The following GLIS1 variants were observed in gnomAD, a reference collection of about 807,000 sequenced individuals.
The protein encoded by GLIS1 is zinc finger protein GLIS1.
A neutral mutation model predicts 63.8 loss-of-function variants in GLIS1; 24 were observed. The ratio of observed to expected loss-of-function variants is 0.38; its 90% CI spans 0.27 to 0.53. The LOEUF (loss-of-function observed/expected upper bound fraction) is 0.53. Among genes scored for constraint, GLIS1 ranks in the 20% least tolerant of loss-of-function variants. The pLI is 0.85. For missense variants in GLIS1, 1,036 were observed against 1,074.1 expected, an observed-to-expected ratio of 0.96 and a Z score of 0.50; for synonymous variants, 450 against 482.5, an observed-to-expected ratio of 0.93 and a Z score of 0.88.
intron 2 of GLIS1, among the ~76,000 whole-genome samples, chr1:53,723,257 C>G (rs1377824693): frequency 7.2e-6 from 1 of 139,220 alleles, no homozygotes; most frequent in Admixed American, 7.3e-5. Context: ...TTTTTTTGAG[C>G]TGGAGTCTCA....
At chr1:53,532,083 T>G (rs1383576827) in intron 4 of GLIS1, among the ~76,000 whole-genome samples, 1 of 152,094 alleles carries the variant, frequency 6.6e-6, no homozygotes, top group Non-Finnish European at 1.5e-5. Context: ...AAAGGCCAGA[T>G]AGCGGGGACT....
intron 2 of GLIS1, among the ~76,000 whole-genome samples, chr1:53,603,740 C>T (rs1169936425): frequency 6.6e-6 from 1 of 152,256 alleles, no homozygotes; most frequent in Non-Finnish European, 1.5e-5. Context: ...CTCTGTGCCA[C>T]AGGGGGCCAA....
chr1:53,550,863 T>A (rs916160829), intron 4 of GLIS1, among the ~76,000 whole-genome samples: 1 of 152,068 alleles, frequency 6.6e-6, no homozygotes, highest in African/African-American at 2.4e-5. Context: ...ATTTATTTAT[T>A]TTTTTTGAGA....
intron 2 of GLIS1, among the ~76,000 whole-genome samples, chr1:53,668,165 G>A (rs770185875): frequency 6.6e-6 from 1 of 152,174 alleles, no homozygotes; most frequent in Non-Finnish European, 1.5e-5. Flanking sequence ...TATTTTAACA[G>A]CAGTAGACAC....
Position 53,506,550 on chromosome 1 carries a change from T to C in GLIS1, c.*69A>G. On this transcript the variant is annotated 3_prime_UTR_variant, in exon 11 of 11. Transcript: ENST00000628545. ...GCACTCCTGCTAGGTGCACGGAGGG[T>C]GGGAGCGACAGCAGGTGGGCGAGGT... 6.6e-7 allele frequency: 1 copy of C among 1,508,470 alleles called. No homozygotes were observed. The allele number at this position is 1,508,470 out of a possible 1,614,324, so 93.4% of individuals were successfully genotyped here.
intron 2 of GLIS1, among the ~76,000 whole-genome samples, chr1:53,661,098 C>T (rs1159677365): frequency 6.6e-6 from 1 of 152,214 alleles, no homozygotes; most frequent in Admixed American, 6.5e-5. Context: ...CTCAGCACTG[C>T]CTGGCTCATA....
intron 2 of GLIS1, among the ~76,000 whole-genome samples, chr1:53,605,484 G>A (rs779490061): frequency 6.6e-6 from 1 of 152,164 alleles, no homozygotes; most frequent in Non-Finnish European, 1.5e-5. Context: ...GCGAATAGCT[G>A]CCACTTAGGT....
At chr1:53,680,761 C>G (rs1646266616) in intron 2 of GLIS1, among the ~76,000 whole-genome samples, 1 of 152,216 alleles carries the variant, frequency 6.6e-6, no homozygotes, top group Non-Finnish European at 1.5e-5. Context: ...CCATTCAGGT[C>G]ATCTGAGTTT....
At chr1:53,591,943 G>A (rs1306963237) in intron 4 of GLIS1, among the ~76,000 whole-genome samples, 1 of 152,172 alleles carries the variant, frequency 6.6e-6, no homozygotes, top group Non-Finnish European at 1.5e-5. Context: ...CCTCCTCCAT[G>A]AAGCCCTTCT....
chr1:53,533,852 T>C (rs1644555729), intron 4 of GLIS1, among the ~76,000 whole-genome samples: 1 of 152,158 alleles, frequency 6.6e-6, no homozygotes, highest in Non-Finnish European at 1.5e-5. Flanking sequence ...GTTCAGCACC[T>C]ATTGTGTGCT....
intron 2 of GLIS1, among the ~76,000 whole-genome samples, chr1:53,611,770 T>C (rs1645426619): frequency 6.6e-6 from 1 of 152,206 alleles, no homozygotes; most frequent in Admixed American, 6.5e-5. Flanking sequence ...GAACTTCACA[T>C]TTGTCTTCCT....
At chr1:53,658,478 A>G (rs1255314993) in intron 2 of GLIS1, among the ~76,000 whole-genome samples, 2 of 152,250 alleles carry the variant, frequency 1.3e-5, no homozygotes, top group African/African-American at 4.8e-5. Context: ...AGGAAAGGAA[A>G]ACATGAAAAG....
At chr1:53,716,444 C>G (rs1291366421) in intron 2 of GLIS1, among the ~76,000 whole-genome samples, 1 of 152,040 alleles carries the variant, frequency 6.6e-6, no homozygotes. Context: ...TCATCATCGG[C>G]ATGTCAGGAA....
In GLIS1 at chr1:53,721,564, G is replaced by A. The variant is rs374359739; in HGVS notation, c.259+16242C>T. 2.6e-5 allele frequency among the ~76,000 whole-genome samples: 4 copies of A among 152,292 alleles called. No homozygotes were observed. The East Asian group carries it at 7.7e-4, about 29-fold the overall frequency. ...CAGGTCCACACACCTGGTGCCCCCT[G>A]AAGGTGGGCACCACAGCAGCCCTGG... is the stretch of plus-strand genomic sequence containing the variant. On this transcript the variant is annotated intron_variant, in intron 2 of 10. Coordinates refer to ENST00000628545, the MANE Select transcript of GLIS1 (RefSeq NM_001367484.1).
rs377617956 is a variant in GLIS1, at chr1:53,594,890, G to A, written c.538C>T (p.Arg180Cys). 34 of 1,541,882 alleles carry A rather than the reference G, an allele frequency of 2.2e-5. No individual in the cohort carries two copies. The highest frequency in any genetic ancestry group is 2.2e-4 in the Middle Eastern group (1 of 4,472). Residue 180 changes from arginine to cysteine, a missense_variant, in exon 4 of 11, where the codon CGC (arginine) becomes TGC (cysteine). Around this residue, in one of 3 missense-constraint regions of GLIS1, gnomAD observed 592 missense variants for 593.9 expected, o/e 1.00. Coordinates refer to ENST00000628545, the MANE Select transcript of GLIS1 (RefSeq NM_001367484.1). ...CGACAGTGGGCAGACAGGGATGTGC[G>A]GGCCTCTGCCATGGCTTGGTAGTCG... ...LPDYQAMAEA[R>C]TSLSAHCRGP...
intron 4 of GLIS1, among the ~76,000 whole-genome samples, chr1:53,547,273 A>G (rs1644711309): frequency 1.3e-5 from 2 of 152,226 alleles, no homozygotes; most frequent in Non-Finnish European, 2.9e-5. Context: ...AGAGACAGAG[A>G]GCCAGGGCTC....
At chr1:53,559,702 C>T (rs1189793314) in intron 4 of GLIS1, among the ~76,000 whole-genome samples, 1 of 152,184 alleles carries the variant, frequency 6.6e-6, no homozygotes, top group Non-Finnish European at 1.5e-5. Flanking sequence ...GCCCTGCACC[C>T]CCTGGCCTCA....
intron 2 of GLIS1, among the ~76,000 whole-genome samples, chr1:53,614,302 C>T (rs1340020992): frequency 6.6e-6 from 1 of 152,068 alleles, no homozygotes; most frequent in East Asian, 1.9e-4. Flanking sequence ...TAAAGAGAGA[C>T]AGGACAGTCA....
intron 9 of GLIS1, 146 bp from the exon 10 acceptor site, chr1:53,509,433 G>A: frequency 4.5e-6 from 4 of 894,950 alleles, no homozygotes; most frequent in Non-Finnish European, 6.6e-6. Context: ...CCAGGGCAGA[G>A]GAGGTGCAGG....
Sources: gnomAD v4.1 joint callset for allele counts (sites outside exome capture counted in the v4.1 genomes callset) on GRCh38, gnomAD v4.1.1 for gene constraint, gnomAD v4.1.1 regional missense constraint, MANE v1.5 for transcripts, NCBI Gene and HGNC (gene_info 2026-07-23, HGNC 2026-07-21) for gene names.